Variants in PDZRN3 observed in about 807,000 individuals in gnomAD.
PDZRN3 encodes the protein PDZ domain containing ring finger 3, also known as E3 ubiquitin-protein ligase PDZRN3.
PDZRN3 carries 38 observed loss-of-function variants against 85.7 expected under a neutral mutation model. That is an observed-to-expected ratio of 0.44 (90% CI 0.34 to 0.58). The LOEUF is 0.58. Ranked by LOEUF, PDZRN3 falls within the 20% of genes least tolerant of loss-of-function variation. The pLI is 0.01. For synonymous variants in PDZRN3, 759 were observed against 638.0 expected (o/e 1.19, Z -2.86); for missense variants, 1,629 against 1,506.4 (o/e 1.08, Z -1.35).
chr3:73,391,749 G>C (rs754184726), intron 5 of PDZRN3, among the ~76,000 whole-genome samples: 1 of 152,192 alleles, frequency 6.6e-6, no homozygotes, highest in East Asian at 1.9e-4. Context: ...GTTAGTCTGT[G>C]CTTCAGAATG....
At chr3:73,614,293 T>C (rs1702729148) in intron 1 of PDZRN3, among the ~76,000 whole-genome samples, 2 of 152,198 alleles carry the variant, frequency 1.3e-5, no homozygotes, top group South Asian at 4.1e-4. Context: ...AACCATCTAT[T>C]GGCAAAGTCC....
chr3:73,434,945 G>A (rs1011024503), intron 3 of PDZRN3, among the ~76,000 whole-genome samples: 1 of 152,178 alleles, frequency 6.6e-6, no homozygotes, highest in Non-Finnish European at 1.5e-5. Context: ...TTGCCTGAAC[G>A]AAATGCACAG....
At chr3:73,601,933 T>C (rs1324166043) in intron 3 of PDZRN3, among the ~76,000 whole-genome samples, 1 of 152,190 alleles carries the variant, frequency 6.6e-6, no homozygotes, top group Non-Finnish European at 1.5e-5. Context: ...AATAAGTGTG[T>C]GCTGTGTGAG....
At chr3:73,397,342 G>A (rs1165241955) in intron 5 of PDZRN3, among the ~76,000 whole-genome samples, 1 of 152,160 alleles carries the variant, frequency 6.6e-6, no homozygotes, top group African/African-American at 2.4e-5. Flanking sequence ...ATGATAAGTG[G>A]TCTGTTGAGA....
intron 3 of PDZRN3, among the ~76,000 whole-genome samples, chr3:73,471,817 A>G (rs1297687902): frequency 6.6e-6 from 1 of 152,240 alleles, no homozygotes; most frequent in Non-Finnish European, 1.5e-5. Flanking sequence ...ATTCTAATGG[A>G]TTTGTAAAAT....
At position 73,464,269 on chromosome 3, in the gene PDZRN3, G is replaced by A. The variant is rs1427910002; in HGVS notation, c.919-59874C>T. 3.9e-5 allele frequency among the ~76,000 whole-genome samples: 6 copies of A among 152,216 alleles called. No individual in the cohort carries two copies. The East Asian group carries it at 9.6e-4, about 24-fold the overall frequency. On this transcript the variant is annotated intron_variant, in intron 3 of 9. Transcript: ENST00000263666. ...CAAAGTGCTGGGATTATAGGCGTGA[G>A]CCATGGTGCCTGGCCCTGTGTATTC...
At chr3:73,510,441 AG>A (rs1704143611) in intron 3 of PDZRN3, among the ~76,000 whole-genome samples, 1 of 152,252 alleles carries the variant, frequency 6.6e-6, no homozygotes, top group Admixed American at 6.5e-5. Flanking sequence ...AAAGCAAAAA[AG>A]CTGCAGTCTA....
At chr3:73,443,202 A>AACAAAAC (rs1340375038) in intron 3 of PDZRN3, among the ~76,000 whole-genome samples, 1 of 152,156 alleles carries the variant, frequency 6.6e-6, no homozygotes, top group Non-Finnish European at 1.5e-5. Flanking sequence ...TTTAGTGGTA[A>AACAAAAC]ACAAAACACA....
chr3:73,529,352 G>A (rs1704601401), intron 3 of PDZRN3, among the ~76,000 whole-genome samples: 1 of 152,100 alleles, frequency 6.6e-6, no homozygotes, highest in Non-Finnish European at 1.5e-5. Flanking sequence ...ACCAAGCCAG[G>A]GCAAACAAAC....
At chr3:73,427,615 C>T (rs1702343691) in intron 3 of PDZRN3, among the ~76,000 whole-genome samples, 1 of 152,172 alleles carries the variant, frequency 6.6e-6, no homozygotes, top group Non-Finnish European at 1.5e-5. Flanking sequence ...GACCCCGTAC[C>T]ATCTGCCTCA....
chr3:73,563,013 A>ATTTTTT (rs879510100), intron 3 of PDZRN3, among the ~76,000 whole-genome samples: 5 of 43,758 alleles, frequency 1.1e-4, no homozygotes, highest in African/African-American at 2.0e-4. Flanking sequence ...ATATATATAT[A>ATTTTTT]TTTTTTTTTT....
chr3:73,486,465 C>T (rs540406767), intron 3 of PDZRN3, among the ~76,000 whole-genome samples: 3 of 151,984 alleles, frequency 2.0e-5, no homozygotes, highest in South Asian at 4.2e-4. Flanking sequence ...ATTAAACCAG[C>T]CAAAAAATAA....
intron 3 of PDZRN3, among the ~76,000 whole-genome samples, chr3:73,514,807 G>T (rs912785599): frequency 1.3e-5 from 2 of 152,128 alleles, no homozygotes; most frequent in Non-Finnish European, 2.9e-5. Flanking sequence ...CAACAATAAT[G>T]GCAGATACAA....
intron 3 of PDZRN3, among the ~76,000 whole-genome samples, chr3:73,556,533 A>C (rs529745857): frequency 5.9e-5 from 9 of 152,256 alleles, no homozygotes; most frequent in Non-Finnish European, 1.3e-4. Context: ...TTTACGGTGG[A>C]CTTTAGGATG....
At chr3:73,408,385 GT>G (rs1701897091) in intron 3 of PDZRN3, 1 of 590,080 alleles carries the variant, frequency 1.7e-6, no homozygotes, top group African/African-American at 1.9e-5. Flanking sequence ...TGGGGATCCT[GT>G]AGTAGAAGAG....
chr3:73,603,884 CAT>C (rs1303709177), intron 2 of PDZRN3, among the ~76,000 whole-genome samples: 10,349 of 70,992 alleles, frequency 0.15, 832 homozygotes, highest in African/African-American at 0.24. Flanking sequence ...CACACACACA[CAT>C]ACACACACAC....
intron 3 of PDZRN3, among the ~76,000 whole-genome samples, chr3:73,558,172 A>G (rs1390244425): frequency 2.6e-5 from 4 of 152,056 alleles, no homozygotes; most frequent in Non-Finnish European, 5.9e-5. Context: ...TAATGCAAAT[A>G]AAATCTTTGG....
At position 73,383,980 on chromosome 3, in the gene PDZRN3, G is replaced by A. The variant is rs1703332588; in HGVS notation, c.2586C>T (p.Ser862=). 1 of 1,594,064 alleles carries A rather than the reference G, an allele frequency of 6.3e-7. No homozygotes were observed. Among genetic ancestry groups the A allele is most frequent in the Non-Finnish European group, 8.5e-7 (1 of 1,171,606 alleles). The change falls in exon 10 of 10, where the codon TCC becomes TCT. Residue 862 remains serine, a synonymous_variant. Coordinates refer to ENST00000263666, the MANE Select transcript of PDZRN3 (RefSeq NM_015009.3). ...SQKLGSAYLP[S]YHHSPYKHAH... is the part of the protein sequence containing the mutation. Reference sequence around the variant, plus strand: ...CGTGCTTGTATGGGGAGTGGTGATAGGAGGGCAGGTAGGCGCTGCCCAGCT... The same window carrying A: ...CGTGCTTGTATGGGGAGTGGTGATAAGAGGGCAGGTAGGCGCTGCCCAGCT...
chr3:73,584,493 GTGTGTGTA>G (rs1308689485), intron 3 of PDZRN3, among the ~76,000 whole-genome samples: 738 of 17,440 alleles, frequency 0.042, 7 homozygotes, highest in African/African-American at 0.069. Flanking sequence ...GTGTGTGTGT[GTGTGTGTA>G]TGCATATGCG....
Sources: gnomAD v4.1 joint callset for allele counts (sites outside exome capture counted in the v4.1 genomes callset) on GRCh38, gnomAD v4.1.1 for gene constraint, MANE v1.5 for transcripts, NCBI Gene and HGNC (gene_info 2026-07-23, HGNC 2026-07-21) for gene names.